PCDH11X: variants seen among roughly 807,000 people sequenced by gnomAD.
PCDH11X encodes the protein protocadherin 11 X-linked.
A neutral mutation model predicts 53.3 loss-of-function variants in PCDH11X; 18 were observed. That is an observed-to-expected ratio of 0.34 (90% CI 0.23 to 0.50). The LOEUF (loss-of-function observed/expected upper bound fraction) is 0.50. Among genes scored for constraint, PCDH11X ranks in the 20% least tolerant of loss-of-function variants. The pLI, the probability that PCDH11X is intolerant of heterozygous loss-of-function variation, is 0.98. For missense variants in PCDH11X, 570 were observed against 1,032.4 expected, an observed-to-expected ratio of 0.55 and a Z score of 6.14; for synonymous variants, 279 against 393.3, an observed-to-expected ratio of 0.71 and a Z score of 3.44.
chrX:92,045,698 C>T lies in PCDH11X; in HGVS notation c.3034-155677C>T, dbSNP rs1420039056. Among the ~76,000 whole-genome samples, 4 of 104,629 alleles carry T rather than the reference C, an allele frequency of 3.8e-5. No individual in the cohort carries two copies. The Admixed American group carries it at 4.3e-4, about 11-fold the overall frequency. 90.9% of individuals were successfully genotyped at this position (104,629 alleles called of 115,157 possible). ...CTCACGCCTGTAATCCCAGCACTTT[C>T]GAAGGCCAAGGCGAGTGGATCATCT... On this transcript the variant is annotated intron_variant, in intron 6 of 10. Coordinates refer to ENST00000682573, the MANE Select transcript of PCDH11X (RefSeq NM_032968.5).
chrX:92,343,408 G>A (rs2069813105), intron 8 of PCDH11X, among the ~76,000 whole-genome samples: 1 of 110,956 alleles, frequency 9.0e-6, no homozygotes, highest in Non-Finnish European at 1.9e-5. Flanking sequence ...TTGATGTGGT[G>A]GATAATATTA....
chrX:91,940,323 T>A lies in PCDH11X; in HGVS notation c.3033+61050T>A, dbSNP rs1183290607. Reference sequence around the variant, plus strand: ...TTTTAAATTACCCAGTTTCAGGTATTTATAGTAACGCAAGAACAGCCTTAA... The same window carrying A: ...TTTTAAATTACCCAGTTTCAGGTATATATAGTAACGCAAGAACAGCCTTAA... On this transcript the variant is annotated intron_variant, in intron 6 of 10. Coordinates refer to ENST00000682573, the MANE Select transcript of PCDH11X (RefSeq NM_032968.5). Among the ~76,000 whole-genome samples, 3 of 111,359 alleles carry A rather than the reference T, an allele frequency of 2.7e-5. No homozygotes were observed. In the East Asian group the frequency reaches 8.6e-4, roughly 32 times the overall value.
intron 5 of PCDH11X, among the ~76,000 whole-genome samples, chrX:91,855,465 G>A (rs2571719): frequency 0.085 from 9,070 of 106,206 alleles, 1,506 homozygotes; most frequent in African/African-American, 0.33. Flanking sequence ...GCTCAGGATA[G>A]CTTTGTCTAT....
In PCDH11X at chrX:91,926,076, GCACACACACA is replaced by G. The variant is rs4022270; in HGVS notation, c.3033+46832_3033+46841del. ...TGCATATATACACACACACAAACAC[GCACACACACA>G]CACACACACACACACACACACACAC... is the stretch of plus-strand genomic sequence containing the variant. On this transcript the variant is annotated intron_variant, in intron 6 of 10. Coordinates refer to ENST00000682573, the MANE Select transcript of PCDH11X (RefSeq NM_032968.5). Among the ~76,000 whole-genome samples, 491 of 83,073 alleles carry G rather than the reference GCACACACACA, an allele frequency of 5.9e-3. 6 individuals carry two copies. Among genetic ancestry groups the G allele is most frequent in the African/African-American group, 0.018 (377 of 20,782 alleles). 72.1% of individuals were successfully genotyped at this position (83,073 alleles called of 115,157 possible). A position where few individuals can be genotyped will look rare whatever the true frequency, so the allele number is the denominator to read the frequency against.
intron 6 of PCDH11X, among the ~76,000 whole-genome samples, chrX:91,890,578 G>A (rs1940431480): frequency 9.0e-6 from 1 of 110,835 alleles, no homozygotes; most frequent in Non-Finnish European, 1.9e-5. Flanking sequence ...CACAAATAAA[G>A]ACAAATTTGT....
At chrX:92,311,201 A>G (rs2068942582) in intron 8 of PCDH11X, among the ~76,000 whole-genome samples, 1 of 110,196 alleles carries the variant, frequency 9.1e-6, no homozygotes, top group African/African-American at 3.3e-5. Flanking sequence ...CCTCATACAT[A>G]AAAGACACTC....
chrX:92,333,934 A>G (rs969678399), intron 8 of PCDH11X, among the ~76,000 whole-genome samples: 1 of 109,585 alleles, frequency 9.1e-6, no homozygotes, highest in Non-Finnish European at 1.9e-5. Context: ...GAAAGTCTCC[A>G]TTTGCATTTC....
intron 10 of PCDH11X, among the ~76,000 whole-genome samples, chrX:92,484,121 ATATATATGTATATATGTAT>A (rs1569494430): frequency 2.8e-3 from 223 of 80,990 alleles, no homozygotes; most frequent in African/African-American, 0.012. Context: ...TATATATAGT[ATATATATGTATATATGTAT>A]GTATATATAT....
intron 6 of PCDH11X, among the ~76,000 whole-genome samples, chrX:92,182,246 C>T (rs1185681705): frequency 9.0e-6 from 1 of 111,666 alleles, no homozygotes; most frequent in Non-Finnish European, 1.9e-5. Context: ...GGACTTGTAG[C>T]CCCTTTGTTT....
chrX:91,880,640 T>C, intron 6 of PCDH11X, among the ~76,000 whole-genome samples: 1 of 110,633 alleles, frequency 9.0e-6, no homozygotes, highest in Non-Finnish European at 1.9e-5. Context: ...AATTAAATGC[T>C]GTTTCAAAAG....
At chrX:92,351,663 A>G (rs1603283517) in intron 8 of PCDH11X, among the ~76,000 whole-genome samples, 1 of 111,548 alleles carries the variant, frequency 9.0e-6, no homozygotes, top group South Asian at 3.7e-4. Context: ...TACTGCAAGC[A>G]TCATATTAGT....
chrX:91,924,988 A>C (rs112081218), intron 6 of PCDH11X, among the ~76,000 whole-genome samples: 1 of 110,133 alleles, frequency 9.1e-6, no homozygotes, highest in Admixed American at 9.8e-5. Context: ...TCTCATCTTC[A>C]TCATGGTTTG....
chrX:91,907,892 T>C (rs2147796207), intron 6 of PCDH11X, among the ~76,000 whole-genome samples: 1 of 111,972 alleles, frequency 8.9e-6, no homozygotes, highest in East Asian at 2.8e-4. Context: ...TGTATGGTTT[T>C]CTATTCCTGT....
chrX:91,985,308 C>T (rs1175838452), intron 6 of PCDH11X, among the ~76,000 whole-genome samples: 1 of 111,602 alleles, frequency 9.0e-6, no homozygotes, highest in East Asian at 2.8e-4. Flanking sequence ...GTTTTGAGAT[C>T]AGCCTGACCA....
intron 7 of PCDH11X, among the ~76,000 whole-genome samples, chrX:92,216,945 G>C (rs141367828): frequency 0.079 from 8,573 of 107,970 alleles, 663 homozygotes; most frequent in African/African-American, 0.21. Context: ...TCATATCCAG[G>C]CAAACTAAGC....
At chrX:92,043,761 AT>A (rs1366063659) in intron 6 of PCDH11X, among the ~76,000 whole-genome samples, 2 of 109,861 alleles carry the variant, frequency 1.8e-5, no homozygotes, top group Non-Finnish European at 3.8e-5. Context: ...CTAATATAAA[AT>A]TTTAATTTGC....
At chrX:92,157,502 G>T (rs2065559199) in intron 6 of PCDH11X, among the ~76,000 whole-genome samples, 1 of 111,957 alleles carries the variant, frequency 8.9e-6, no homozygotes, top group East Asian at 2.8e-4. Flanking sequence ...ATGACAGAGT[G>T]TAAAAGAAAG....
At chrX:92,062,181 T>A (rs1397016635) in intron 6 of PCDH11X, among the ~76,000 whole-genome samples, 7 of 111,638 alleles carry the variant, frequency 6.3e-5, no homozygotes, top group Non-Finnish European at 9.4e-5. Flanking sequence ...TTATGAAACT[T>A]TGCTGAAGTT....
chrX:92,456,261 T>C (rs34902556), intron 9 of PCDH11X, among the ~76,000 whole-genome samples: 11,336 of 111,373 alleles, frequency 0.1, 454 homozygotes, highest in Middle Eastern at 0.15. Flanking sequence ...TATATTCTCT[T>C]AGACTAAATT....
Sources: allele counts gnomAD v4.1 joint callset (sites outside exome capture counted in the v4.1 genomes callset), GRCh38; gene constraint gnomAD v4.1.1; transcripts MANE v1.5; gene names NCBI Gene and HGNC (gene_info 2026-07-23, HGNC 2026-07-21).